The following HDLBP variants were observed in gnomAD, a reference collection of about 807,000 sequenced individuals.
HDLBP encodes the protein vigilin.
A neutral mutation model predicts 137.3 loss-of-function variants in HDLBP; 30 were observed. That is an observed-to-expected ratio of 0.22 (90% CI 0.16 to 0.30). HDLBP has a LOEUF of 0.30. Among genes scored for constraint, HDLBP ranks in the 10% least tolerant of loss-of-function variants. HDLBP has a pLI of 1.00. For synonymous variants in HDLBP, 606 were observed against 596.0 expected (o/e 1.02, Z -0.24); for missense variants, 1,119 against 1,667.3 (o/e 0.67, Z 5.73).
At chr2:241,251,435 G>C (rs1559503378) in intron 11 of HDLBP, among the ~76,000 whole-genome samples, 1 of 152,176 alleles carries the variant, frequency 6.6e-6, no homozygotes, top group Non-Finnish European at 1.5e-5. Flanking sequence ...CATTGCACAG[G>C]CCACAGCACA....
chr2:241,288,966 C>A (rs2074922150), intron 1 of HDLBP, among the ~76,000 whole-genome samples: 1 of 152,108 alleles, frequency 6.6e-6, no homozygotes, highest in Non-Finnish European at 1.5e-5. Context: ...TGATTTTTTC[C>A]TTCCTACAAT....
At chr2:241,313,149 T>C (rs2075803090) in intron 1 of HDLBP, among the ~76,000 whole-genome samples, 1 of 152,224 alleles carries the variant, frequency 6.6e-6, no homozygotes, top group African/African-American at 2.4e-5. Flanking sequence ...CCACTGCCTA[T>C]TTCCTATGTC....
intron 1 of HDLBP, among the ~76,000 whole-genome samples, chr2:241,308,701 C>T (rs1322862698): frequency 2.6e-5 from 4 of 152,214 alleles, no homozygotes; most frequent in Non-Finnish European, 5.9e-5. Flanking sequence ...GCTGAAGGCA[C>T]AAACTGGAGC....
intron 9 of HDLBP, 36 bp downstream of exon 9, chr2:241,255,015 C>A (rs1405694238): frequency 2.8e-6 from 4 of 1,448,876 alleles, no homozygotes; most frequent in Non-Finnish European, 2.9e-6. Context: ...GAAAACAAGA[C>A]AAATTCAATA....
At chr2:241,267,023 T>C (rs1010117057) in intron 2 of HDLBP, 117 bp from the exon 3 acceptor site, 1 of 729,424 alleles carries the variant, frequency 1.4e-6, no homozygotes, top group Admixed American at 2.4e-5. Flanking sequence ...AACTATACCT[T>C]TTTATTTTCC....
intron 13 of HDLBP, 28 bp from the exon 14 acceptor site, chr2:241,248,144 T>G: frequency 6.3e-7 from 1 of 1,587,386 alleles, no homozygotes; most frequent in Non-Finnish European, 8.7e-7. Context: ...GAGACTAAGT[T>G]CAAGTATGAG....
At chr2:241,232,257 C>A (rs1396795385) in intron 24 of HDLBP, among the ~76,000 whole-genome samples, 7 of 151,428 alleles carry the variant, frequency 4.6e-5, no homozygotes. Context: ...ATGGAATAGT[C>A]TAATTGCTAA....
chr2:241,230,632 C>CACT lies in HDLBP; in HGVS notation c.3474+124_3474+126dup. 1.2e-6 allele frequency: 1 copy of CACT among 815,490 alleles called. No individual in the cohort carries two copies. The highest frequency in any genetic ancestry group is 1.7e-5 in the South Asian group (1 of 59,534). 50.5% of individuals were successfully genotyped at this position (815,490 alleles called of 1,614,324 possible). ...CCCGTGGTGTCCATGAGGACAGTTC[C>CACT]ACTGCCAGCCCTGGGGTTGTGGCCT... On this transcript the variant is annotated intron_variant, in intron 25 of 27. Transcript: ENST00000310931. This position sits in a 1 kb window ranked among gnomAD's most constrained non-coding sequence, Gnocchi z 5.0.
intron 2 of HDLBP, among the ~76,000 whole-genome samples, chr2:241,268,214 T>C (rs1574977150): frequency 6.6e-6 from 1 of 152,132 alleles, no homozygotes; most frequent in Admixed American, 6.5e-5. Context: ...ATTCAGATAA[T>C]ACTGAATAAA....
chr2:241,277,937 G>C (rs2074456491), intron 1 of HDLBP, among the ~76,000 whole-genome samples: 1 of 151,818 alleles, frequency 6.6e-6, no homozygotes. Flanking sequence ...CTCCAGTCTG[G>C]GAAACAAAAG....
chr2:241,234,950 G>C (rs923123262), intron 23 of HDLBP, among the ~76,000 whole-genome samples, 171 bp downstream of exon 23: 1 of 152,236 alleles, frequency 6.6e-6, no homozygotes, highest in African/African-American at 2.4e-5. Flanking sequence ...CTCTTGGCTA[G>C]TTCCACAGCA....
intron 23 of HDLBP, among the ~76,000 whole-genome samples, 169 bp from the exon 24 acceptor site, chr2:241,234,132 T>C (rs1317873817): frequency 6.6e-6 from 1 of 152,194 alleles, no homozygotes; most frequent in Non-Finnish European, 1.5e-5. Flanking sequence ...CCTTCCATTA[T>C]CTGCTAATAA....
intron 1 of HDLBP, among the ~76,000 whole-genome samples, chr2:241,275,261 C>T (rs2074347147): frequency 6.6e-6 from 1 of 151,858 alleles, no homozygotes; most frequent in Non-Finnish European, 1.5e-5. Flanking sequence ...GGTAGAGAGG[C>T]TAAAAGCCCA....
rs765600207 is a variant in HDLBP, at chr2:241,235,088, C to T, written c.3144+33G>A. 8.1e-6 allele frequency: 13 copies of T among 1,607,514 alleles called. No homozygotes were observed. In the Admixed American group the frequency reaches 2.0e-4, roughly 25 times the overall value. ...ATGTGCCCAAAGCTGAGCACCATGG[C>T]TCTGGGCAGTGCCCCGGCCACCTCC... On this transcript the variant is annotated intron_variant, in intron 23 of 27. Transcript: ENST00000310931.
rs560883901 is a variant in HDLBP at position 241,281,922 on chromosome 2, C to T, written c.-102-13381G>A. ...TGCTACAGTGTCTGTATTTTCAAAC[C>T]AAAGCTAAACTATAAACTGACAAGG... On this transcript the variant is annotated intron_variant, in intron 1 of 27. Coordinates refer to ENST00000310931, the MANE Select transcript of HDLBP (RefSeq NM_005336.6). Among the ~76,000 whole-genome samples, 3 of 152,174 alleles carry T rather than the reference C, an allele frequency of 2.0e-5. No individual in the cohort carries two copies. In the South Asian group the frequency reaches 6.2e-4, roughly 32 times the overall value.
At chr2:241,243,305 C>T (rs2071419111) in intron 16 of HDLBP, among the ~76,000 whole-genome samples, 1 of 152,230 alleles carries the variant, frequency 6.6e-6, no homozygotes, top group Non-Finnish European at 1.5e-5. Flanking sequence ...CACTCATATA[C>T]TGATACGCGT....
Position 241,249,728 on chromosome 2 carries a change from G to C in HDLBP, c.1512+113C>G, listed in dbSNP as rs1406435027. ...TCCAATCCGGTTCCAGTGCAACGTG[G>C]GATTTGTCGACTTCCATTCTCTAAG... On this transcript the variant is annotated intron_variant, in intron 12 of 27. Coordinates refer to ENST00000310931, the MANE Select transcript of HDLBP (RefSeq NM_005336.6). 8 of 1,045,706 alleles carry C rather than the reference G, an allele frequency of 7.7e-6. No individual in the cohort carries two copies. In the Admixed American group the frequency reaches 1.9e-4, roughly 25 times the overall value. 64.8% of individuals were successfully genotyped at this position (1,045,706 alleles called of 1,614,324 possible).
At chr2:241,255,313 T>C (rs141272597) in intron 8 of HDLBP, 61 bp downstream of exon 8, 2 of 1,497,974 alleles carry the variant, frequency 1.3e-6, no homozygotes, top group African/African-American at 1.4e-5. Context: ...CGAGAGCTCA[T>C]CCATGAAGGC....
chr2:241,284,119 A>G (rs2074716393), intron 1 of HDLBP, among the ~76,000 whole-genome samples: 1 of 152,220 alleles, frequency 6.6e-6, no homozygotes, highest in Non-Finnish European at 1.5e-5. Flanking sequence ...CAAGGAGATG[A>G]ATGTTGTTTT....
Sources: gnomAD v4.1 joint callset for allele counts (sites outside exome capture counted in the v4.1 genomes callset) on GRCh38, gnomAD v4.1.1 for gene constraint, Gnocchi (gnomAD v3.1) non-coding constraint, MANE v1.5 for transcripts, NCBI Gene and HGNC (gene_info 2026-07-23, HGNC 2026-07-21) for gene names.